CELF4: variants seen among roughly 807,000 people sequenced by gnomAD.
The protein encoded by CELF4 is CUG-BP- and ETR-3-like factor 4.
In CELF4, 18 loss-of-function variants were observed where a neutral mutation model predicts 59.9. The observed-to-expected ratio is 0.30, with a 90% CI of 0.21 to 0.45. The LOEUF (loss-of-function observed/expected upper bound fraction) is 0.45. Ranked by LOEUF, CELF4 falls within the 20% of genes least tolerant of loss-of-function variation. The pLI is 1.00. For synonymous variants in CELF4, 261 were observed against 267.1 expected (o/e 0.98, Z 0.22); for missense variants, 456 against 689.0 (o/e 0.66, Z 3.79).
chr18:37,342,233 GCACACACACACACACA>G (rs56845978), intron 2 of CELF4, among the ~76,000 whole-genome samples: 1 of 146,048 alleles, frequency 6.8e-6, no homozygotes, highest in African/African-American at 2.5e-5. Flanking sequence ...AACAGCACAT[GCACACACACACACACA>G]CACACACACA....
intron 2 of CELF4, among the ~76,000 whole-genome samples, chr18:37,355,333 G>A (rs2098544971): frequency 6.6e-6 from 1 of 152,006 alleles, no homozygotes; most frequent in Non-Finnish European, 1.5e-5. Context: ...ATCTCTGTGT[G>A]TGCAGGTACA....
intron 2 of CELF4, among the ~76,000 whole-genome samples, chr18:37,439,189 G>A (rs2099703571): frequency 6.6e-6 from 1 of 152,224 alleles, no homozygotes; most frequent in Non-Finnish European, 1.5e-5. Context: ...AGGCCTGGCT[G>A]CAGTTAGTAC....
intron 2 of CELF4, among the ~76,000 whole-genome samples, chr18:37,435,927 A>C (rs1433906293): frequency 6.6e-6 from 1 of 152,138 alleles, no homozygotes; most frequent in East Asian, 1.9e-4. Context: ...CCCAGGACAG[A>C]GTGGTGTCTC....
chr18:37,262,944 T>C (rs1325489306), intron 10 of CELF4, among the ~76,000 whole-genome samples: 4 of 152,180 alleles, frequency 2.6e-5, no homozygotes, highest in African/African-American at 9.6e-5. Flanking sequence ...TCTGGGTTCC[T>C]GTAACTTGGC....
At chr18:37,273,238 G>A (rs1182861035) in intron 6 of CELF4, 75 bp from the exon 7 acceptor site, 2 of 1,543,056 alleles carry the variant, frequency 1.3e-6, no homozygotes, top group Admixed American at 3.7e-5. Context: ...CTCAGCTCCT[G>A]GAGACCAATC....
intron 3 of CELF4, among the ~76,000 whole-genome samples, chr18:37,316,901 G>C (rs867722508): frequency 6.6e-6 from 1 of 152,154 alleles, no homozygotes; most frequent in Non-Finnish European, 1.5e-5. Flanking sequence ...CCCAGAGTCC[G>C]AGAAGCCCTC....
chr18:37,405,092 AC>A (rs113930814), intron 2 of CELF4, among the ~76,000 whole-genome samples: 3 of 150,874 alleles, frequency 2.0e-5, no homozygotes, highest in Admixed American at 6.6e-5. Context: ...GCAGGCCCCA[AC>A]CCCCCCCGTG....
intron 2 of CELF4, among the ~76,000 whole-genome samples, chr18:37,469,442 A>G (rs1434337231): frequency 6.6e-6 from 1 of 152,184 alleles, no homozygotes. Context: ...ATGCATTATT[A>G]GAAAATCCCT....
intron 1 of CELF4, among the ~76,000 whole-genome samples, chr18:37,545,159 C>T (rs1385156998): frequency 1.3e-5 from 2 of 152,236 alleles, no homozygotes; most frequent in African/African-American, 4.8e-5. Context: ...CAGTGCCCAA[C>T]AGCAGCTTGC....
Position 37,244,249 on chromosome 18 carries a change from CTAT to C in CELF4, c.*990_*992del, listed in dbSNP as rs2061298201. The C allele has an allele frequency of 6.7e-6, 1 of 149,110 alleles. No individual in the cohort carries two copies. The highest frequency in any genetic ancestry group is 2.5e-5 in the African/African-American group (1 of 40,330). The allele number at this position is 149,110 out of a possible 1,614,324, so 9.2% of individuals were successfully genotyped here. ...TTTTCCTTTTTAAAATTCTGTACAA[CTAT>C]TATGATTTTAAGAGGGGGAAGAGTT... On this transcript the variant is annotated 3_prime_UTR_variant, in exon 13 of 13. Transcript: ENST00000420428.
intron 3 of CELF4, among the ~76,000 whole-genome samples, chr18:37,287,227 G>C (rs567966923): frequency 6.6e-6 from 1 of 152,240 alleles, no homozygotes; most frequent in South Asian, 2.1e-4. Context: ...ATGCAGGCAG[G>C]GCAGGGAAGG....
In CELF4 at chr18:37,504,161, C is replaced by T. The variant is rs985466307; in HGVS notation, c.287-18554G>A. ...ATGGAGTTGGATGAGCTGATCTGTG[C>T]AGCCTGGCCCCTTCCATTCAGATGG... is the stretch of plus-strand genomic sequence containing the variant. On this transcript the variant is annotated intron_variant, in intron 1 of 12. Coordinates refer to ENST00000420428, the MANE Select transcript of CELF4 (RefSeq NM_020180.4). 5.3e-5 allele frequency among the ~76,000 whole-genome samples: 8 copies of T among 152,202 alleles called. No homozygotes were observed. In the South Asian group the frequency reaches 1.0e-3, roughly 20 times the overall value.
At chr18:37,386,611 T>G (rs1169752224) in intron 2 of CELF4, among the ~76,000 whole-genome samples, 1 of 152,188 alleles carries the variant, frequency 6.6e-6, no homozygotes, top group African/African-American at 2.4e-5. Context: ...AATAGAACTT[T>G]TGATTGAATT....
intron 2 of CELF4, among the ~76,000 whole-genome samples, chr18:37,338,759 CGTGTGTGTGTGTGT>C (rs60532435): frequency 2.1e-5 from 3 of 145,572 alleles, no homozygotes; most frequent in Admixed American, 6.8e-5. Context: ...ATGCAGGAGC[CGTGTGTGTGTGTGT>C]GTGTGTGTGT....
In CELF4 at chr18:37,519,382, G is replaced by A. The variant is rs1941940; in HGVS notation, c.287-33775C>T. 8.9e-3 allele frequency among the ~76,000 whole-genome samples: 1,358 copies of A among 152,190 alleles called. 39 individuals are homozygous for A. The highest frequency in any genetic ancestry group is 0.081 in the East Asian group (417 of 5,172). On this transcript the variant is annotated intron_variant, in intron 1 of 12. Coordinates refer to ENST00000420428, the MANE Select transcript of CELF4 (RefSeq NM_020180.4). Reference sequence around the variant, plus strand: ...AGAAAGAAGTGTGCTCAAGGATGGCGTGCCCTCCTCACTTTGTCTGGCTTT... The same window carrying A: ...AGAAAGAAGTGTGCTCAAGGATGGCATGCCCTCCTCACTTTGTCTGGCTTT...
At chr18:37,385,222 C>T (rs958225524) in intron 2 of CELF4, among the ~76,000 whole-genome samples, 3 of 151,962 alleles carry the variant, frequency 2.0e-5, no homozygotes, top group Admixed American at 2.0e-4. Flanking sequence ...GTGGCATGTG[C>T]CTGTAATCCC....
At chr18:37,396,620 A>G (rs1409486504) in intron 2 of CELF4, among the ~76,000 whole-genome samples, 2 of 152,172 alleles carry the variant, frequency 1.3e-5, no homozygotes, top group Non-Finnish European at 2.9e-5. Context: ...GCCCTGGTTG[A>G]GTGAATGCAG....
intron 2 of CELF4, among the ~76,000 whole-genome samples, chr18:37,444,900 C>T (rs1304845964): frequency 6.6e-6 from 1 of 152,136 alleles, no homozygotes; most frequent in Non-Finnish European, 1.5e-5. Context: ...AGGGAGTTTC[C>T]AGGAGAGGGT....
chr18:37,498,955 CTTG>C (rs1212271546), intron 1 of CELF4, among the ~76,000 whole-genome samples: 9 of 152,182 alleles, frequency 5.9e-5, no homozygotes, highest in Non-Finnish European at 1.2e-4. Flanking sequence ...GAGTGTTACT[CTTG>C]TTGTTGTTGT....
Sources: allele counts gnomAD v4.1 joint callset (sites outside exome capture counted in the v4.1 genomes callset), GRCh38; gene constraint gnomAD v4.1.1; transcripts MANE v1.5; gene names NCBI Gene and HGNC (gene_info 2026-07-23, HGNC 2026-07-21).